The following AIFM3 variants were observed in gnomAD, a reference collection of about 807,000 sequenced individuals.
AIFM3 encodes the protein AIF family member 3, also known as apoptosis-inducing factor 3.
AIFM3 carries 71 observed loss-of-function variants against 82.7 expected under a neutral mutation model. The observed-to-expected ratio is 0.86, with a 90% confidence interval of 0.71 to 1.05. The LOEUF (loss-of-function observed/expected upper bound fraction) is 1.05. Ranked by LOEUF, AIFM3 falls within the 50% of genes least tolerant of loss-of-function variation. The probability of loss-of-function intolerance (pLI) is 0.00; values close to 1 mark genes in which losing one functional copy is unlikely to be tolerated. For synonymous variants in AIFM3, 337 were observed against 329.1 expected, an observed-to-expected ratio of 1.02 and a Z score of -0.26; for missense variants, 748 against 816.7, an observed-to-expected ratio of 0.92 and a Z score of 1.03.
upstream of AIFM3, chr22:20,965,245 C>T (rs1224236508): frequency 6.6e-6 from 1 of 150,962 alleles, no homozygotes; most frequent in Non-Finnish European, 1.5e-5. Context: ...CCCCGGAACC[C>T]CGGTCCCCGC....
At chr22:20,977,226 A>C (rs1601708047) in intron 14 of AIFM3, 131 bp downstream of exon 14, 3 of 1,264,566 alleles carry the variant, frequency 2.4e-6, no homozygotes, top group East Asian at 2.5e-5. Flanking sequence ...GGGAACCCCC[A>C]ACCGCCCCCA....
chr22:20,977,621 A>C, intron 14 of AIFM3, 79 bp from the exon 15 acceptor site: 4 of 1,561,462 alleles, frequency 2.6e-6, no homozygotes, highest in South Asian at 1.1e-5. Flanking sequence ...TGGCACATCA[A>C]GCGCATGCTG....
chr22:20,976,065 G>A (rs979531401), intron 9 of AIFM3, 150 bp from the exon 10 acceptor site: 49 of 870,208 alleles, frequency 5.6e-5, no homozygotes, highest in Admixed American at 6.6e-5. Context: ...TGTCTGAAGC[G>A]TAAAGAATGA....
rs1199372264 is a variant in AIFM3, at chr22:20,979,824, G to A, written c.1652+122G>A. ...CTGAGCCCCGCTGAGGAGTGCTGGAGCTTCCTTAGGAAAGCCCGAAGCTTG... is the reference window on the plus strand; with the variant it reads ...CTGAGCCCCGCTGAGGAGTGCTGGAACTTCCTTAGGAAAGCCCGAAGCTTG... On this transcript the variant is annotated intron_variant, in intron 18 of 20. Coordinates refer to ENST00000440238, the MANE Select transcript of AIFM3 (RefSeq NM_001386814.1). 8.3e-6 allele frequency: 11 copies of A among 1,329,934 alleles called. 1 individual carries two copies. The highest frequency in any genetic ancestry group is 4.2e-6 in the Non-Finnish European group (4 of 949,422). The allele number at this position is 1,329,934 out of a possible 1,614,324, so 82.4% of individuals were successfully genotyped here. A position where few individuals can be genotyped will look rare whatever the true frequency, so the allele number is the denominator to read the frequency against.
Position 20,980,561 on chromosome 22 carries a change from G to A in AIFM3, c.1758-186G>A, listed in dbSNP as rs1420783339. On this transcript the variant is annotated intron_variant, in intron 19 of 20. Coordinates refer to ENST00000440238, the MANE Select transcript of AIFM3 (RefSeq NM_001386814.1). Reference sequence around the variant, plus strand: ...CAGCCAGTTCCCTTATCCTGGTGTGGTGTCAATGAGATTCACCCTCTGGGA... The same window carrying A: ...CAGCCAGTTCCCTTATCCTGGTGTGATGTCAATGAGATTCACCCTCTGGGA... The A allele has an allele frequency of 1.3e-5, 9 of 712,570 alleles. No homozygotes were observed. The East Asian group carries it at 2.3e-4, about 18-fold the overall frequency. 44.1% of individuals were successfully genotyped at this position (712,570 alleles called of 1,614,324 possible). A position where few individuals can be genotyped will look rare whatever the true frequency, so the allele number is the denominator to read the frequency against.
At position 20,979,471 on chromosome 22, in the gene AIFM3, C is replaced by T. The variant is rs545932996; in HGVS notation, c.1576+102C>T. 1.8e-5 allele frequency: 27 copies of T among 1,475,144 alleles called. No homozygotes were observed. The African/African-American group carries it at 2.9e-4, about 16-fold the overall frequency. The allele number at this position is 1,475,144 out of a possible 1,614,324, so 91.4% of individuals were successfully genotyped here. ...GCCTAGGGGCAGGGCTATGACCGCA[C>T]TAGGAAGAGGCCGGTAAGAACTCGC... On this transcript the variant is annotated intron_variant, in intron 17 of 20. Coordinates refer to ENST00000440238, the MANE Select transcript of AIFM3 (RefSeq NM_001386814.1).
chr22:20,977,108 GT>G lies in AIFM3; in HGVS notation c.1282+14del. The G allele has an allele frequency of 2.5e-6, 4 of 1,613,916 alleles. No individual in the cohort carries two copies. In the South Asian group the frequency reaches 4.4e-5, roughly 18 times the overall value. On this transcript the variant is annotated intron_variant, in intron 14 of 20. Coordinates refer to ENST00000440238, the MANE Select transcript of AIFM3 (RefSeq NM_001386814.1). ...GTGGTGGGCATTGGTGAGTTGGTGT[GT>G]GGGCAGGCAGGCACAAAGCAGCCCA...
At position 20,974,741 on chromosome 22, in the gene AIFM3, G is replaced by C; in HGVS notation, c.645G>C (p.Gln215His). ...AGLVCAETLR[Q>H]EGFSDRIVLC... ...TGGTGTGTGCAGAGACACTGCGGCA[G>C]GAGGGCTTCTCCGACCGGATCGTCC... The change falls in exon 8 of 21, where the codon CAG (glutamine) becomes CAC (histidine). Residue 215 changes from glutamine to histidine, a missense_variant. By Grantham distance (24) the Gln-to-His change is conservative. Coordinates refer to ENST00000440238, the MANE Select transcript of AIFM3 (RefSeq NM_001386814.1). The C allele has an allele frequency of 6.2e-7, 1 of 1,613,936 alleles. No homozygotes were observed. Among genetic ancestry groups the C allele is most frequent in the Non-Finnish European group, 8.5e-7 (1 of 1,179,986 alleles).
rs772867162 is a variant in AIFM3 at position 20,975,736 on chromosome 22, G to T, written c.765G>T (p.Glu255Asp). 3 of 1,613,656 alleles carry T rather than the reference G, an allele frequency of 1.9e-6. No individual in the cohort carries two copies. The highest frequency in any genetic ancestry group is 1.1e-5 in the South Asian group (1 of 91,090). Residue 255 changes from glutamate (E) to aspartate (D), a missense_variant, in exon 9 of 21, where the codon GAG (glutamate) becomes GAT (aspartate). By Grantham distance (45) the Glu-to-Asp change is conservative. Coordinates refer to ENST00000440238, the MANE Select transcript of AIFM3 (RefSeq NM_001386814.1). ...QPEQLALRPK[E>D]FFRAYGIEVL... ...AGCAGCTGGCCCTGAGGCCCAAGGA[G>T]TTTTTCCGAGCCTATGGCATCGAGG...
chr22:20,980,600 G>T, intron 19 of AIFM3, 147 bp from the exon 20 acceptor site: 2 of 948,976 alleles, frequency 2.1e-6, no homozygotes, highest in Non-Finnish European at 3.4e-6. Context: ...AGCTCCCAGG[G>T]ACTGGGGACA....
intron 2 of AIFM3, among the ~76,000 whole-genome samples, chr22:20,972,318 C>T (rs1308596886): frequency 6.6e-6 from 1 of 151,406 alleles, no homozygotes; most frequent in Non-Finnish European, 1.5e-5. Context: ...AGGAGAATCG[C>T]TTGAACCTGG....
chr22:20,977,424 T>C (rs1186037131), intron 14 of AIFM3: 1 of 601,600 alleles, frequency 1.7e-6, no homozygotes, highest in East Asian at 2.8e-5. Context: ...TGGGAGGTGG[T>C]AGCACCTGCA....
At chr22:20,974,434 G>A (rs1207629187) in intron 6 of AIFM3, 91 bp from the exon 7 acceptor site, 2 of 1,560,060 alleles carry the variant, frequency 1.3e-6, no homozygotes, top group South Asian at 1.2e-5. Context: ...TTGCGGTAGG[G>A]ATGAGGCTGG....
In AIFM3 at chr22:20,976,269, C is replaced by T; in HGVS notation, c.862C>T (p.Leu288=). The T allele has an allele frequency of 1.2e-6, 2 of 1,614,080 alleles. No individual in the cohort carries two copies. The highest frequency in any genetic ancestry group is 2.2e-5 in the East Asian group (1 of 44,890). The change falls in exon 10 of 21, where the codon CTG becomes TTG. Residue 288 remains leucine, a synonymous_variant. Coordinates refer to ENST00000440238, the MANE Select transcript of AIFM3 (RefSeq NM_001386814.1). ...GGTCGTGTTCAAGGATGGCTTCAAG[C>T]TGGAGTACAGCAAGCTGCTGCTGGC... ...KKVVFKDGFK[L]EYSKLLLAPG...
chr22:20,977,610 C>T (rs752231551), intron 14 of AIFM3, 90 bp from the exon 15 acceptor site: 78 of 1,516,976 alleles, frequency 5.1e-5, no homozygotes, highest in Non-Finnish European at 6.6e-5. Context: ...CAGTCTGGGG[C>T]TGGCACATCA....
intron 16 of AIFM3, among the ~76,000 whole-genome samples, chr22:20,979,036 C>T (rs932371575): frequency 6.6e-6 from 1 of 152,176 alleles, no homozygotes; most frequent in Middle Eastern, 3.2e-3. Flanking sequence ...AGTCAGGGCA[C>T]TTTATTCAGA....
intron 20 of AIFM3, 62 bp downstream of exon 20, chr22:20,980,829 C>T: frequency 1.2e-6 from 2 of 1,606,874 alleles, no homozygotes; most frequent in Admixed American, 3.3e-5. Context: ...GACCCTCCAC[C>T]CAATGGTCTT....
At chr22:20,967,670 C>G (rs922346546) in intron 1 of AIFM3, 135 bp from the exon 2 acceptor site, 17 of 549,776 alleles carry the variant, frequency 3.1e-5, no homozygotes, top group Middle Eastern at 4.8e-4. Context: ...GCCCCACGCT[C>G]TGGGATCAGG....
chr22:20,968,130 G>C lies in AIFM3; in HGVS notation c.31+155G>C, dbSNP rs80026024. ...AATGTTAATACGCTGCCGCCAGGAG[G>C]GGGTAGGGGGCCTGGAGCAGTTCCC... On this transcript the variant is annotated intron_variant, in intron 2 of 20. Coordinates refer to ENST00000440238, the MANE Select transcript of AIFM3 (RefSeq NM_001386814.1). Among the ~76,000 whole-genome samples, 1,332 of 152,322 alleles carry C rather than the reference G, an allele frequency of 8.7e-3. 19 individuals carry two copies. Among genetic ancestry groups the C allele is most frequent in the African/African-American group, 0.031 (1,274 of 41,564 alleles).
Sources: allele counts gnomAD v4.1 joint callset (sites outside exome capture counted in the v4.1 genomes callset), GRCh38; gene constraint gnomAD v4.1.1; transcripts MANE v1.5; gene names NCBI Gene and HGNC (gene_info 2026-07-23, HGNC 2026-07-21).